The following TNIK variants were observed in gnomAD, a reference collection of about 807,000 sequenced individuals.
The protein encoded by TNIK is TRAF2 and NCK interacting kinase.
TNIK carries 49 observed loss-of-function variants against 191.3 expected under a neutral mutation model. The ratio of observed to expected loss-of-function variants is 0.26; its 90% CI spans 0.20 to 0.32. The LOEUF (loss-of-function observed/expected upper bound fraction) is 0.32, where lower values mean the gene tolerates loss of function less well. Among genes scored for constraint, TNIK ranks in the 10% least tolerant of loss-of-function variants. TNIK has a pLI of 1.00. For synonymous variants in TNIK, 594 were observed against 600.9 expected, an observed-to-expected ratio of 0.99 and a Z score of 0.17; for missense variants, 1,155 against 1,702.3, an observed-to-expected ratio of 0.68 and a Z score of 5.66.
In TNIK at chr3:171,093,913, GCGTCCCCAC is replaced by G; in HGVS notation, c.2638_2646del (p.Val880_Thr882del). Reference sequence around the variant, plus strand: ...TCCGCATGAGAGGTCTCCAGCCCATGCGTCCCCACCATTCCCACATTGTACTGCTCGTTG... The same window carrying G: ...TCCGCATGAGAGGTCTCCAGCCCATGCATTCCCACATTGTACTGCTCGTTG... On this transcript the variant is annotated inframe_deletion, in exon 23 of 33. Coordinates refer to ENST00000436636, the MANE Select transcript of TNIK (RefSeq NM_015028.4). 6.2e-7 allele frequency: 1 copy of G among 1,613,876 alleles called. No individual in the cohort carries two copies. Among genetic ancestry groups the G allele is most frequent in the Non-Finnish European group, 8.5e-7 (1 of 1,179,860 alleles).
intron 1 of TNIK, among the ~76,000 whole-genome samples, chr3:171,385,729 A>G (rs1046287924): frequency 3.9e-5 from 6 of 152,158 alleles, no homozygotes; most frequent in Admixed American, 6.6e-5. Flanking sequence ...TGTTAATTGC[A>G]TGTATCATTT....
intron 12 of TNIK, among the ~76,000 whole-genome samples, chr3:171,153,683 A>T (rs1732769595): frequency 6.6e-6 from 1 of 152,240 alleles, no homozygotes; most frequent in African/African-American, 2.4e-5. Flanking sequence ...GTGAAGACAC[A>T]TCAATGGTTT....
intron 2 of TNIK, among the ~76,000 whole-genome samples, chr3:171,287,625 G>C (rs547686408): frequency 6.6e-6 from 1 of 152,218 alleles, no homozygotes; most frequent in African/African-American, 2.4e-5. Context: ...TATAAGTTTT[G>C]ATTCCAAACA....
intron 1 of TNIK, among the ~76,000 whole-genome samples, chr3:171,418,367 A>G (rs1436239197): frequency 1.3e-5 from 2 of 152,210 alleles, no homozygotes; most frequent in African/African-American, 2.4e-5. Flanking sequence ...ATGAAAATGT[A>G]TGTACACATA....
Position 171,412,404 on chromosome 3 carries a change from T to C in TNIK, c.58-42719A>G, listed in dbSNP as rs369510438. The stretch of plus-strand genomic sequence containing the variant: ...ATGAATTTTCAAAGATGTTCCTCCT[T>C]TCCTTGTGCCAAAATTTAAGTCTTT... On this transcript the variant is annotated intron_variant, in intron 1 of 32. Coordinates refer to ENST00000436636, the MANE Select transcript of TNIK (RefSeq NM_015028.4). 2.6e-5 allele frequency among the ~76,000 whole-genome samples: 4 copies of C among 152,330 alleles called. No homozygotes were observed. In the East Asian group the frequency reaches 7.7e-4, roughly 29 times the overall value.
At chr3:171,340,761 C>T (rs948439328) in intron 2 of TNIK, among the ~76,000 whole-genome samples, 1 of 152,190 alleles carries the variant, frequency 6.6e-6, no homozygotes, top group Non-Finnish European at 1.5e-5. Flanking sequence ...AAGCAGTCAG[C>T]TTCTTCCAAA....
chr3:171,302,206 C>T (rs1269402200), intron 2 of TNIK, among the ~76,000 whole-genome samples: 1 of 152,100 alleles, frequency 6.6e-6, no homozygotes, highest in Non-Finnish European at 1.5e-5. Context: ...TGGATGAAGC[C>T]TGTGTTCTTG....
intron 21 of TNIK, among the ~76,000 whole-genome samples, chr3:171,104,934 TTG>T (rs911862659): frequency 6.6e-6 from 1 of 151,958 alleles, no homozygotes; most frequent in African/African-American, 2.4e-5. Flanking sequence ...TGTATAATCT[TTG>T]TGTCACATAT....
At chr3:171,121,629 A>G (rs1727766236) in intron 18 of TNIK, among the ~76,000 whole-genome samples, 1 of 152,244 alleles carries the variant, frequency 6.6e-6, no homozygotes, top group African/African-American at 2.4e-5. Flanking sequence ...GCCAACCCAC[A>G]GCATCATGAG....
chr3:171,138,048 AG>A, intron 15 of TNIK, 142 bp downstream of exon 15: 1 of 635,070 alleles, frequency 1.6e-6, no homozygotes, highest in South Asian at 7.5e-5. Flanking sequence ...ATAATGTTAT[AG>A]TTCTTGCAAA....
rs185556393 is a variant in TNIK at position 171,061,061 on chromosome 3, C to T, written c.*2820G>A. ...GCTATAAAAATGGATGAAAAGCAAC[C>T]GTTCCTCCCCTACCCCCAAAAAGAA... On this transcript the variant is annotated 3_prime_UTR_variant, in exon 33 of 33. Transcript: ENST00000436636. 1.5e-3 allele frequency among the ~76,000 whole-genome samples: 235 copies of T among 152,042 alleles called. No homozygotes were observed. Among genetic ancestry groups the T allele is most frequent in the Admixed American group, 0.015 (229 of 15,268 alleles).
At chr3:171,300,841 C>A (rs963305024) in intron 2 of TNIK, among the ~76,000 whole-genome samples, 18 of 152,098 alleles carry the variant, frequency 1.2e-4, no homozygotes, top group Middle Eastern at 3.2e-3. Context: ...TTCCTTGATG[C>A]GGTTTCTGCC....
chr3:171,237,383 A>G (rs374139887), intron 2 of TNIK, among the ~76,000 whole-genome samples: 3 of 152,324 alleles, frequency 2.0e-5, no homozygotes, highest in African/African-American at 7.2e-5. Context: ...TTCTTACTGA[A>G]TCCCCGCTCT....
intron 1 of TNIK, among the ~76,000 whole-genome samples, chr3:171,411,090 A>G (rs1305229488): frequency 6.7e-6 from 1 of 150,230 alleles, no homozygotes; most frequent in African/African-American, 2.5e-5. Context: ...TTTTAGAGAC[A>G]GGGCCTCACG....
chr3:171,264,795 G>T lies in TNIK; in HGVS notation c.124-36574C>A, dbSNP rs1034625627. Among the ~76,000 whole-genome samples the T allele has an allele frequency of 2.0e-5, 3 of 152,326 alleles. No homozygotes were observed. The South Asian group carries it at 6.2e-4, about 32-fold the overall frequency. On this transcript the variant is annotated intron_variant, in intron 2 of 32. Transcript: ENST00000436636. ...AAGAAGGAAGCGATAGCCCTGCAATGGTAAGGGGATCTTGGAGATACATTT... is the reference window on the plus strand; with the variant it reads ...AAGAAGGAAGCGATAGCCCTGCAATTGTAAGGGGATCTTGGAGATACATTT...
chr3:171,419,084 C>T (rs996360118), intron 1 of TNIK, among the ~76,000 whole-genome samples: 3 of 152,154 alleles, frequency 2.0e-5, no homozygotes, highest in Admixed American at 6.5e-5. Flanking sequence ...GCTTTTGATT[C>T]TATTTAACCA....
intron 2 of TNIK, among the ~76,000 whole-genome samples, chr3:171,351,515 T>C (rs1022086602): frequency 2.0e-5 from 3 of 152,180 alleles, no homozygotes; most frequent in Admixed American, 6.5e-5. Flanking sequence ...AGGAAAAGAA[T>C]TCATTTATTC....
At chr3:171,283,371 AC>A (rs1333844017) in intron 2 of TNIK, among the ~76,000 whole-genome samples, 2 of 152,068 alleles carry the variant, frequency 1.3e-5, no homozygotes, top group Non-Finnish European at 2.9e-5. Flanking sequence ...AGATTTGGCA[AC>A]CTAAATGAAC....
intron 24 of TNIK, among the ~76,000 whole-genome samples, 191 bp from the exon 25 acceptor site, chr3:171,085,420 G>A (rs1311546341): frequency 6.6e-6 from 1 of 152,206 alleles, no homozygotes; most frequent in Non-Finnish European, 1.5e-5. Flanking sequence ...TAGTCATTGT[G>A]CATTCGTAGG....
Sources: gnomAD v4.1 joint callset for allele counts (sites outside exome capture counted in the v4.1 genomes callset) on GRCh38, gnomAD v4.1.1 for gene constraint, MANE v1.5 for transcripts, NCBI Gene and HGNC (gene_info 2026-07-23, HGNC 2026-07-21) for gene names.